Variants in EP300 observed in about 807,000 individuals in gnomAD.
EP300 encodes the protein histone acetyltransferase p300.
EP300 carries 31 observed loss-of-function variants against 264.0 expected under a neutral mutation model. That is an observed-to-expected ratio of 0.12 (90% CI 0.09 to 0.16). The LOEUF is 0.16. EP300 is among the 10% of genes least tolerant of loss of function. The pLI is 1.00. For missense variants in EP300, 2,766 were observed against 3,052.9 expected (o/e 0.91, Z 2.21); for synonymous variants, 1,340 against 1,045.4 (o/e 1.28, Z -5.44).
In EP300 at chr22:41,177,514, G is replaced by A. The variant is rs2059208193; in HGVS notation, c.5803G>A (p.Ala1935Thr). 6.2e-7 allele frequency: 1 copy of A among 1,614,188 alleles called. No individual in the cohort carries two copies. The highest frequency in any genetic ancestry group is 8.5e-7 in the Non-Finnish European group (1 of 1,180,034). ...GGAAATGGCAATGCAGATTCAGAGAGCAGCGGAGACGCAGCGCCAGATGGC... is the reference window on the plus strand; with the variant it reads ...GGAAATGGCAATGCAGATTCAGAGAACAGCGGAGACGCAGCGCCAGATGGC... Reference protein sequence around the residue: ...AVEMAMQIQRAAETQRQMAHV... With the variant: ...AVEMAMQIQRTAETQRQMAHV... Residue 1935 changes from alanine to threonine, a missense_variant, in exon 31 of 31, where the codon GCA becomes ACA. Physicochemically the swap from Ala to Thr is moderately conservative, Grantham distance 58. Coordinates refer to ENST00000263253, the MANE Select transcript of EP300 (RefSeq NM_001429.4).
chr22:41,157,814 C>T (rs1407086144), intron 18 of EP300, among the ~76,000 whole-genome samples: 1 of 152,174 alleles, frequency 6.6e-6, no homozygotes, highest in South Asian at 2.1e-4. Flanking sequence ...AGCCACCTCT[C>T]CCAGCCAACA....
In EP300 at chr22:41,110,925, A is replaced by T. The variant is rs1007065988; in HGVS notation, c.95-6262A>T. ...TTACTTTTGAGTTTACACCTGTTTT[A>T]TATACATTGTCAGTTTTTCCCTATG... On this transcript the variant is annotated intron_variant, in intron 1 of 30. Coordinates refer to ENST00000263253, the MANE Select transcript of EP300 (RefSeq NM_001429.4). 4.2e-5 allele frequency among the ~76,000 whole-genome samples: 6 copies of T among 144,016 alleles called. No homozygotes were observed. In the East Asian group the frequency reaches 6.1e-4, roughly 15 times the overall value. 94.5% of individuals were successfully genotyped at this position (144,016 alleles called of 152,430 possible).
chr22:41,167,576 GTGTGTGTGTA>G (rs1184309004), intron 23 of EP300, among the ~76,000 whole-genome samples: 5 of 29,534 alleles, frequency 1.7e-4, no homozygotes, highest in African/African-American at 6.3e-4. Flanking sequence ...GTGTGTGTGT[GTGTGTGTGTA>G]TATATATATA....
intron 19 of EP300, chr22:41,159,859 G>A (rs1331930255): frequency 6.6e-6 from 1 of 152,138 alleles, no homozygotes; most frequent in African/African-American, 2.4e-5. Context: ...ATTTTTAGTA[G>A]AGACAGGGTT....
In EP300 at chr22:41,109,259, A is replaced by AAC. The variant is rs563999664; in HGVS notation, c.95-7927_95-7926insCA. Among the ~76,000 whole-genome samples, 1,004 of 151,752 alleles carry AAC rather than the reference A, an allele frequency of 6.6e-3. 6 individuals are homozygous for AAC. Among genetic ancestry groups the AAC allele is most frequent in the Non-Finnish European group, 0.011 (769 of 67,900 alleles). On this transcript the variant is annotated intron_variant, in intron 1 of 30. Transcript: ENST00000263253. ...ACAGAGCAAGACCCTGTCTCAAAAA[A>AAC]AAAAAAAAACAAAAAAAAACGGAAA...
chr22:41,149,346 A>G (rs1035721122), intron 13 of EP300, among the ~76,000 whole-genome samples, 171 bp downstream of exon 13: 1 of 152,248 alleles, frequency 6.6e-6, no homozygotes, highest in Non-Finnish European at 1.5e-5. Flanking sequence ...ATTCTGTGAC[A>G]TAGCAATGGT....
At chr22:41,157,589 C>T (rs949542048) in intron 18 of EP300, among the ~76,000 whole-genome samples, 181 bp downstream of exon 18, 1 of 143,726 alleles carries the variant, frequency 7.0e-6, no homozygotes, top group East Asian at 2.0e-4. Flanking sequence ...GAGGTCATAG[C>T]TCACTGCAGC....
rs1439889516 is a variant in EP300, at chr22:41,149,114, A to C, written c.2318A>C (p.Gln773Pro). ...QFLPQTQFPSQGMNVTNIPLA... is the reference protein window; with the variant it reads ...QFLPQTQFPSPGMNVTNIPLA... Reference sequence around the variant, plus strand: ...CTTCCTCAGACTCAGTTCCCATCACAGGGAATGAATGTAACAAATATCCCT... The same window carrying C: ...CTTCCTCAGACTCAGTTCCCATCACCGGGAATGAATGTAACAAATATCCCT... The change falls in exon 13 of 31, where the codon CAG becomes CCG. Residue 773 changes from glutamine to proline, a missense_variant. Physicochemically the swap from Gln to Pro is moderately conservative, Grantham distance 76. Coordinates refer to ENST00000263253, the MANE Select transcript of EP300 (RefSeq NM_001429.4). 1.2e-6 allele frequency: 2 copies of C among 1,613,398 alleles called. No homozygotes were observed. Among genetic ancestry groups the C allele is most frequent in the African/African-American group, 2.7e-5 (2 of 74,668 alleles).
At chr22:41,103,572 G>A (rs1485227450) in intron 1 of EP300, among the ~76,000 whole-genome samples, 2 of 152,132 alleles carry the variant, frequency 1.3e-5, no homozygotes, top group Admixed American at 6.6e-5. Flanking sequence ...GAACAGGGTT[G>A]GTGGAAATTA....
At chr22:41,149,011 G>A (rs2145735627) in intron 12 of EP300, 27 bp from the exon 13 acceptor site, 1 of 1,609,662 alleles carries the variant, frequency 6.2e-7, no homozygotes. Context: ...AAGCAGTTTG[G>A]TGATTTGTGT....
chr22:41,107,647 G>A (rs1420613381), intron 1 of EP300, among the ~76,000 whole-genome samples: 3 of 152,018 alleles, frequency 2.0e-5, no homozygotes, highest in Admixed American at 1.3e-4. Flanking sequence ...AATTTCTCAC[G>A]TATCATTGAA....
At chr22:41,158,756 G>C in intron 19 of EP300, 2 of 482,166 alleles carry the variant, frequency 4.1e-6, no homozygotes, top group Non-Finnish European at 7.7e-6. Context: ...TGTTGGCCTA[G>C]ATGGGTCTAT....
intron 6 of EP300, among the ~76,000 whole-genome samples, 196 bp downstream of exon 6, chr22:41,131,829 C>CT (rs899025508): frequency 2.0e-5 from 3 of 152,012 alleles, no homozygotes; most frequent in Non-Finnish European, 4.4e-5. Context: ...TTCCTTGATC[C>CT]TTTTTTGCAT....
At chr22:41,163,609 T>TGGTGGTGCGCGC (rs2059119435) in intron 21 of EP300, among the ~76,000 whole-genome samples, 1 of 151,564 alleles carries the variant, frequency 6.6e-6, no homozygotes, top group African/African-American at 2.4e-5. Context: ...TAGCTGTGCG[T>TGGTGGTGCGCGC]GGTGGTGCGC....
At chr22:41,093,483 T>C (rs4822003) in intron 1 of EP300, among the ~76,000 whole-genome samples, 147,764 of 152,302 alleles carry the variant, frequency 0.97, 71,849 homozygotes, top group East Asian at 1. Context: ...ATCCTTTCTC[T>C]TTACTGTACT....
chr22:41,154,011 T>A (rs996197838), intron 16 of EP300, among the ~76,000 whole-genome samples: 2 of 152,360 alleles, frequency 1.3e-5, no homozygotes, highest in South Asian at 2.1e-4. Context: ...AAGAACTGTT[T>A]GATTCCATTT....
intron 1 of EP300, among the ~76,000 whole-genome samples, chr22:41,110,490 A>G (rs1227450196): frequency 6.7e-6 from 1 of 149,462 alleles, no homozygotes; most frequent in African/African-American, 2.5e-5. Flanking sequence ...ATGGGATTTC[A>G]CTATGTTGGC....
chr22:41,123,342 A>G (rs1342551425), intron 2 of EP300, among the ~76,000 whole-genome samples: 2 of 152,216 alleles, frequency 1.3e-5, no homozygotes, highest in African/African-American at 4.8e-5. Flanking sequence ...ACTTTAAGAA[A>G]TCAGTACAGG....
chr22:41,175,274 CTG>C (rs1445366187), intron 29 of EP300, among the ~76,000 whole-genome samples: 2 of 151,902 alleles, frequency 1.3e-5, no homozygotes, highest in East Asian at 1.9e-4. Context: ...TGGCCAGAGA[CTG>C]TGAGTGTGGC....
Sources: allele counts gnomAD v4.1 joint callset (sites outside exome capture counted in the v4.1 genomes callset), GRCh38; gene constraint gnomAD v4.1.1; transcripts MANE v1.5; gene names NCBI Gene and HGNC (gene_info 2026-07-23, HGNC 2026-07-21).